The following FAT3 variants were observed in gnomAD, a reference collection of about 807,000 sequenced individuals.
FAT3 encodes the protein FAT atypical cadherin 3, also known as protocadherin Fat 3.
A neutral mutation model predicts 310.2 loss-of-function variants in FAT3; 95 were observed. The observed-to-expected ratio is 0.31, with a 90% confidence interval of 0.26 to 0.36. The LOEUF is 0.36. Among genes scored for constraint, FAT3 ranks in the 10% least tolerant of loss-of-function variants. The probability of loss-of-function intolerance (pLI) is 1.00; values close to 1 mark genes in which losing one functional copy is unlikely to be tolerated. For missense variants in FAT3, 5,408 were observed against 5,715.6 expected (o/e 0.95, Z 1.74); for synonymous variants, 2,314 against 2,192.9 (o/e 1.06, Z -1.54).
intron 3 of FAT3, among the ~76,000 whole-genome samples, chr11:92,539,216 A>G (rs1954362497): frequency 6.6e-6 from 1 of 152,220 alleles, no homozygotes; most frequent in Non-Finnish European, 1.5e-5. Flanking sequence ...GATATTTATT[A>G]AAATGTTTTA....
Position 92,808,475 on chromosome 11 carries a change from G to A in FAT3, c.9248-1368G>A, listed in dbSNP as rs1300633585. Among the ~76,000 whole-genome samples the A allele has an allele frequency of 5.3e-5, 8 of 152,182 alleles. 1 individual carries two copies. Among genetic ancestry groups the A allele is most frequent in the Admixed American group, 3.9e-4 (6 of 15,278 alleles). On this transcript the variant is annotated intron_variant, in intron 12 of 27. Coordinates refer to ENST00000525166, the MANE Select transcript of FAT3 (RefSeq NM_001367949.2). The stretch of plus-strand genomic sequence containing the variant: ...TCCAGGTAATGTCATATACAAAAGT[G>A]GAGGGAAAACTACTTTAGGCCAGAT...
chr11:92,352,372 A>G lies in FAT3; in HGVS notation c.260A>G (p.Asp87Gly). The stretch of plus-strand genomic sequence containing the variant: ...ATCAAATACAGAATAGTGTCCGGAG[A>G]CGAGGAAGGCTTTTTCAAAGCAGAG... ...WDIKYRIVSG[D>G]EEGFFKAEEV... The change falls in exon 2 of 28, where the codon GAC (aspartate) becomes GGC (glycine). Residue 87 changes from aspartate to glycine, a missense_variant. This residue lies in a region of FAT3 where 152 missense variants were observed against 188.3 expected (regional missense o/e 0.81). Coordinates refer to ENST00000525166, the MANE Select transcript of FAT3 (RefSeq NM_001367949.2). 1 of 1,606,484 alleles carries G rather than the reference A, an allele frequency of 6.2e-7. No homozygotes were observed.
At chr11:92,881,481 CA>C (rs1949669225) in intron 23 of FAT3, among the ~76,000 whole-genome samples, 1 of 152,146 alleles carries the variant, frequency 6.6e-6, no homozygotes, top group South Asian at 2.1e-4. Context: ...TTCATTAGAG[CA>C]AATCTCCCGA....
intron 2 of FAT3, among the ~76,000 whole-genome samples, chr11:92,397,970 T>TG (rs1565285061): frequency 6.6e-6 from 1 of 151,936 alleles, no homozygotes; most frequent in Admixed American, 6.6e-5. Context: ...TAACAAAAAC[T>TG]GGGGGGCTTC....
chr11:92,306,717 T>G (rs1256601724), intron 1 of FAT3, among the ~76,000 whole-genome samples: 1 of 119,778 alleles, frequency 8.3e-6, no homozygotes, highest in East Asian at 2.3e-4. Context: ...TATATATATT[T>G]ATATATTATA....
chr11:92,892,993 G>A lies in FAT3; in HGVS notation c.*1880G>A, dbSNP rs1949949764. 6.6e-6 allele frequency: 1 copy of A among 152,150 alleles called. No individual in the cohort carries two copies. 9.4% of individuals were successfully genotyped at this position (152,150 alleles called of 1,614,324 possible). A position where few individuals can be genotyped will look rare whatever the true frequency, so the allele number is the denominator to read the frequency against. ...AAATATATGCATATTTGCACTATCT[G>A]CTTAATGAGCAAATCTGTGTCCACA... is the stretch of plus-strand genomic sequence containing the variant. On this transcript the variant is annotated 3_prime_UTR_variant, in exon 28 of 28. Coordinates refer to ENST00000525166, the MANE Select transcript of FAT3 (RefSeq NM_001367949.2).
At chr11:92,739,523 T>C (rs1458563223) in intron 4 of FAT3, among the ~76,000 whole-genome samples, 2 of 152,322 alleles carry the variant, frequency 1.3e-5, no homozygotes, top group East Asian at 1.9e-4. Flanking sequence ...CCTCTTACTG[T>C]TATATGACAA....
intron 1 of FAT3, among the ~76,000 whole-genome samples, chr11:92,283,733 G>A (rs1423598499): frequency 6.6e-6 from 1 of 152,150 alleles, no homozygotes; most frequent in Non-Finnish European, 1.5e-5. Flanking sequence ...CGTGCATAAA[G>A]TGAGATCCAC....
intron 2 of FAT3, among the ~76,000 whole-genome samples, chr11:92,364,931 A>G (rs898929081): frequency 1.3e-5 from 2 of 152,210 alleles, no homozygotes; most frequent in Non-Finnish European, 2.9e-5. Flanking sequence ...TGAATATGAA[A>G]TGTCTTGAAC....
chr11:92,566,816 G>C (rs1955470168), intron 3 of FAT3, among the ~76,000 whole-genome samples: 1 of 152,130 alleles, frequency 6.6e-6, no homozygotes. Context: ...AATGGTGCTG[G>C]GAAAACTGGC....
intron 2 of FAT3, among the ~76,000 whole-genome samples, chr11:92,368,909 TATACACATATATATATAC>T (rs60801767): frequency 0.076 from 11,454 of 150,394 alleles, 650 homozygotes; most frequent in African/African-American, 0.15. Context: ...CACATATATA[TATACACATATATATATAC>T]ACACATATAT....
intron 1 of FAT3, among the ~76,000 whole-genome samples, chr11:92,320,900 A>T (rs1227238576): frequency 1.3e-5 from 2 of 151,654 alleles, no homozygotes; most frequent in Admixed American, 6.6e-5. Flanking sequence ...ACTTATTTAT[A>T]ATGTCCTTAG....
chr11:92,451,518 T>A (rs1402366179), intron 2 of FAT3, among the ~76,000 whole-genome samples: 1 of 152,160 alleles, frequency 6.6e-6, no homozygotes, highest in Non-Finnish European at 1.5e-5. Context: ...TCCCCAGAGA[T>A]CACATTTTGT....
intron 2 of FAT3, among the ~76,000 whole-genome samples, chr11:92,373,966 A>G (rs1949268132): frequency 6.6e-6 from 1 of 151,888 alleles, no homozygotes; most frequent in African/African-American, 2.4e-5. Context: ...CAAAAGCCTC[A>G]AAACCAGGGG....
intron 1 of FAT3, among the ~76,000 whole-genome samples, chr11:92,299,404 A>G (rs1224280928): frequency 1.3e-5 from 2 of 152,222 alleles, no homozygotes; most frequent in East Asian, 3.9e-4. Context: ...GTTAGTCTAG[A>G]TAATAGGTGC....
intron 3 of FAT3, among the ~76,000 whole-genome samples, chr11:92,653,351 A>G (rs112645847): frequency 8.5e-5 from 13 of 152,216 alleles, no homozygotes; most frequent in African/African-American, 2.9e-4. Context: ...ACTTTCTGTC[A>G]TGCCAGTGGC....
chr11:92,806,290 A>G, intron 11 of FAT3, 72 bp from the exon 12 acceptor site: 4 of 1,320,884 alleles, frequency 3.0e-6, no homozygotes, highest in South Asian at 1.4e-5. Flanking sequence ...AAGAAATCCT[A>G]TATAATGCTA....
intron 2 of FAT3, among the ~76,000 whole-genome samples, chr11:92,446,889 A>C (rs1023347141): frequency 4.6e-5 from 7 of 152,204 alleles, no homozygotes; most frequent in African/African-American, 1.7e-4. Flanking sequence ...TAGTCATCAG[A>C]GGAAATATCT....
intron 11 of FAT3, among the ~76,000 whole-genome samples, chr11:92,806,081 A>T (rs998262831): frequency 6.6e-6 from 1 of 152,170 alleles, no homozygotes; most frequent in Non-Finnish European, 1.5e-5. Context: ...AAGAGTGGGG[A>T]TGTTCCTCTG....
Sources: allele counts gnomAD v4.1 joint callset (sites outside exome capture counted in the v4.1 genomes callset), GRCh38; gene constraint gnomAD v4.1.1; regional missense constraint gnomAD v4.1.1; transcripts MANE v1.5; gene names NCBI Gene and HGNC (gene_info 2026-07-23, HGNC 2026-07-21).